KDM6A: variants seen among roughly 807,000 people sequenced by gnomAD.
KDM6A encodes the protein lysine-specific demethylase 6A.
KDM6A carries 11 observed loss-of-function variants against 117.6 expected under a neutral mutation model. The observed-to-expected ratio is 0.09, with a 90% CI of 0.06 to 0.15. The LOEUF (loss-of-function observed/expected upper bound fraction) is 0.15, where lower values mean the gene tolerates loss of function less well. Among genes scored for constraint, KDM6A ranks in the 10% least tolerant of loss-of-function variants. KDM6A has a pLI of 1.00. For synonymous variants in KDM6A, 384 were observed against 396.1 expected (o/e 0.97, Z 0.36); for missense variants, 799 against 1,077.3 (o/e 0.74, Z 3.62).
rs187823586 is a variant in KDM6A, at chrX:45,033,016, A to T, written c.565-1915A>T. On this transcript the variant is annotated intron_variant, in intron 6 of 29. Coordinates refer to ENST00000611820, the MANE Select transcript of KDM6A (RefSeq NM_001291415.2). Reference sequence around the variant, plus strand: ...CTTGTGGGGTTTCAGTGAAATAGTAAAACTAAAATATTGCCATATTGAAGG... The same window carrying T: ...CTTGTGGGGTTTCAGTGAAATAGTATAACTAAAATATTGCCATATTGAAGG... Among the ~76,000 whole-genome samples, 10 of 112,085 alleles carry T rather than the reference A, an allele frequency of 8.9e-5. No homozygotes were observed. In the East Asian group the frequency reaches 2.8e-3, roughly 31 times the overall value.
At chrX:44,886,303 C>G (rs936999356) in intron 2 of KDM6A, among the ~76,000 whole-genome samples, 4 of 110,623 alleles carry the variant, frequency 3.6e-5, no homozygotes, top group Non-Finnish European at 7.6e-5. Flanking sequence ...CCGCCTTGGC[C>G]CCCCAAAGTG....
chrX:45,054,880 T>C (rs1377772289), intron 10 of KDM6A, among the ~76,000 whole-genome samples: 1 of 111,712 alleles, frequency 9.0e-6, no homozygotes, highest in Non-Finnish European at 1.9e-5. Flanking sequence ...CCAAGGACAA[T>C]TCACAATGTT....
intron 2 of KDM6A, among the ~76,000 whole-genome samples, chrX:44,944,051 C>G (rs1399280263): frequency 2.7e-5 from 3 of 111,219 alleles, no homozygotes; most frequent in Non-Finnish European, 5.7e-5. Context: ...TATAATAGGT[C>G]TTAAATTTAG....
At chrX:45,005,757 T>C (rs1231089015) in intron 4 of KDM6A, among the ~76,000 whole-genome samples, 1 of 109,877 alleles carries the variant, frequency 9.1e-6, no homozygotes, top group Non-Finnish European at 1.9e-5. Flanking sequence ...ATCTTGATGG[T>C]TTTGGGGTAA....
chrX:45,086,012 A>G (rs1427263589), intron 25 of KDM6A, 33 bp downstream of exon 25: 1 of 887,875 alleles, frequency 1.1e-6, no homozygotes, highest in Non-Finnish European at 1.7e-6. Context: ...CTTAAAACAT[A>G]TATTAGAAAG....
At chrX:44,885,613 GT>G (rs1302457755) in intron 2 of KDM6A, among the ~76,000 whole-genome samples, 1 of 110,493 alleles carries the variant, frequency 9.1e-6, no homozygotes, top group Admixed American at 9.7e-5. Context: ...GCTCACGCCT[GT>G]GATCCCAGCA....
chrX:45,003,805 CTGTCTCTT>C (rs2041281974), intron 4 of KDM6A, among the ~76,000 whole-genome samples: 1 of 107,110 alleles, frequency 9.3e-6, no homozygotes, highest in Admixed American at 1.0e-4. Context: ...CTTTGTCTCT[CTGTCTCTT>C]CCTCTCTCTC....
At chrX:45,075,081 A>G (rs1450442647) in intron 18 of KDM6A, among the ~76,000 whole-genome samples, 3 of 111,865 alleles carry the variant, frequency 2.7e-5, no homozygotes, top group African/African-American at 3.2e-5. Context: ...TTTACTCTAC[A>G]GTAGTATATC....
intron 4 of KDM6A, among the ~76,000 whole-genome samples, chrX:44,999,854 G>A (rs1183759134): frequency 9.0e-6 from 1 of 111,483 alleles, no homozygotes; most frequent in East Asian, 2.8e-4. Flanking sequence ...CACAGCACCT[G>A]ACAAGAATAA....
chrX:44,883,463 C>T (rs1361141647), intron 2 of KDM6A, among the ~76,000 whole-genome samples: 1 of 110,560 alleles, frequency 9.0e-6, no homozygotes, highest in Non-Finnish European at 1.9e-5. Context: ...ACCTCCACCT[C>T]CCAGGTTCAA....
intron 2 of KDM6A, among the ~76,000 whole-genome samples, chrX:44,889,685 T>G (rs936244257): frequency 3.6e-5 from 4 of 111,982 alleles, no homozygotes; most frequent in Non-Finnish European, 7.5e-5. Context: ...GAGTCCTATC[T>G]GAAGGAAAGT....
chrX:45,080,187 G>A (rs917145492), intron 21 of KDM6A, among the ~76,000 whole-genome samples: 1 of 111,378 alleles, frequency 9.0e-6, no homozygotes, highest in Non-Finnish European at 1.9e-5. Flanking sequence ...TGTAAAATCC[G>A]GTTTGGTCTT....
chrX:44,962,979 A>G (rs1315421140), intron 3 of KDM6A, among the ~76,000 whole-genome samples: 1 of 111,747 alleles, frequency 8.9e-6, no homozygotes. Flanking sequence ...CCTTTCATGA[A>G]AGGTTTCTCT....
At chrX:44,931,979 C>G (rs1209836126) in intron 2 of KDM6A, among the ~76,000 whole-genome samples, 1 of 108,912 alleles carries the variant, frequency 9.2e-6, no homozygotes, top group African/African-American at 3.4e-5. Context: ...CTGCTTGAAC[C>G]TGCTGATTTG....
intron 4 of KDM6A, among the ~76,000 whole-genome samples, chrX:45,000,059 G>A (rs1438271301): frequency 3.6e-5 from 4 of 111,732 alleles, no homozygotes; most frequent in Non-Finnish European, 5.6e-5. Flanking sequence ...TGGGATGAAA[G>A]TACAACATTG....
chrX:44,956,602 C>T lies in KDM6A; in HGVS notation c.226-4682C>T, dbSNP rs754347767. ...TAATTTTTGTAGAGACGAGGCCTCG[C>T]TATGTTGCCTGGGCTGGTCTCGAAC... On this transcript the variant is annotated intron_variant, in intron 2 of 29. Coordinates refer to ENST00000611820, the MANE Select transcript of KDM6A (RefSeq NM_001291415.2). Among the ~76,000 whole-genome samples, 4 of 110,889 alleles carry T rather than the reference C, an allele frequency of 3.6e-5. 1 individual carries two copies. The South Asian group carries it at 1.5e-3, about 43-fold the overall frequency.
chrX:44,902,386 C>T (rs1391942788), intron 2 of KDM6A, among the ~76,000 whole-genome samples: 2 of 107,158 alleles, frequency 1.9e-5, no homozygotes, highest in Non-Finnish European at 3.8e-5. Context: ...CTGTATTCTT[C>T]CATTTCTACC....
Position 45,079,382 on chromosome X carries a change from G to A in KDM6A, c.3300+31G>A, listed in dbSNP as rs372984835. On this transcript the variant is annotated intron_variant, in intron 21 of 29. Transcript: ENST00000611820. ...TATTTGTATCCTAAAGATTATTTTA[G>A]GATTTTAAAGATGATTTTACTTTGG... The A allele has an allele frequency of 4.9e-4, 521 of 1,053,887 alleles. No homozygotes were observed. Among genetic ancestry groups the A allele is most frequent in the South Asian group, 7.5e-4 (39 of 51,912 alleles). The allele number at this position is 1,053,887 out of a possible 1,213,427, so 86.9% of individuals were successfully genotyped here.
chrX:44,896,417 C>A lies in KDM6A; in HGVS notation c.225+22430C>A, dbSNP rs1325152858. On this transcript the variant is annotated intron_variant, in intron 2 of 29. Transcript: ENST00000611820. ...TAAGTGTACTTACATTCTCTACATA[C>A]ATTGAACAACACATCAGATGGTGTG... Among the ~76,000 whole-genome samples the A allele has an allele frequency of 2.7e-5, 3 of 111,439 alleles. No individual in the cohort carries two copies. In the East Asian group the frequency reaches 8.4e-4, roughly 31 times the overall value.
Sources: allele counts gnomAD v4.1 joint callset (sites outside exome capture counted in the v4.1 genomes callset), GRCh38; gene constraint gnomAD v4.1.1; transcripts MANE v1.5; gene names NCBI Gene and HGNC (gene_info 2026-07-23, HGNC 2026-07-21).